The following COL25A1 variants were observed in gnomAD, a reference collection of about 807,000 sequenced individuals.
COL25A1 encodes the protein collagen type XXV alpha 1 chain.
COL25A1 carries 103 observed loss-of-function variants against 128.4 expected under a neutral mutation model. The observed-to-expected ratio is 0.80, with a 90% CI of 0.68 to 0.94. The LOEUF is 0.94. Ranked by LOEUF, COL25A1 falls within the 40% of genes least tolerant of loss-of-function variation. COL25A1 has a pLI of 0.00. For synonymous variants in COL25A1, 279 were observed against 277.2 expected (o/e 1.01, Z -0.06); for missense variants, 745 against 840.0 (o/e 0.89, Z 1.40).
intron 3 of COL25A1, among the ~76,000 whole-genome samples, chr4:109,280,706 G>A (rs1045840106): frequency 7.3e-5 from 11 of 151,404 alleles, no homozygotes; most frequent in African/African-American, 2.2e-4. Context: ...AGGCTGGAGC[G>A]CAATGGCAAG....
intron 3 of COL25A1, among the ~76,000 whole-genome samples, chr4:109,173,718 G>A (rs75858413): frequency 0.023 from 3,556 of 152,064 alleles, 121 homozygotes; most frequent in African/African-American, 0.073. Context: ...TTTAAAATAA[G>A]TCATTCATAA....
chr4:109,048,094 G>C, intron 5 of COL25A1, 74 bp downstream of exon 5: 1 of 1,437,522 alleles, frequency 7.0e-7, no homozygotes, highest in Non-Finnish European at 9.8e-7. Flanking sequence ...ACTATATTTT[G>C]GTGTTTTAAC....
At chr4:109,153,023 T>C (rs1436472581) in intron 3 of COL25A1, among the ~76,000 whole-genome samples, 1 of 152,110 alleles carries the variant, frequency 6.6e-6, no homozygotes, top group East Asian at 1.9e-4. Flanking sequence ...TAAAGAGATA[T>C]ATGTTATATA....
At chr4:109,255,266 C>A (rs1003633499) in intron 3 of COL25A1, among the ~76,000 whole-genome samples, 3 of 152,162 alleles carry the variant, frequency 2.0e-5, no homozygotes, top group South Asian at 2.1e-4. Flanking sequence ...TTAAACTAAT[C>A]TATTTCAAGG....
chr4:109,213,706 T>C (rs1777768366), intron 3 of COL25A1, among the ~76,000 whole-genome samples: 1 of 152,174 alleles, frequency 6.6e-6, no homozygotes, highest in Non-Finnish European at 1.5e-5. Context: ...TGCAGGTTTG[T>C]AAACAAATTA....
chr4:109,072,854 G>A (rs1441030385), intron 3 of COL25A1, among the ~76,000 whole-genome samples: 1 of 152,102 alleles, frequency 6.6e-6, no homozygotes, highest in Non-Finnish European at 1.5e-5. Context: ...TAACTCTACA[G>A]GGGGCCCACA....
chr4:108,993,792 A>G (rs12642875), intron 6 of COL25A1, among the ~76,000 whole-genome samples: 119,548 of 150,384 alleles, frequency 0.79, 48,704 homozygotes, highest in East Asian at 1. Context: ...CCCGGGAGGC[A>G]GAGGTTGCAG....
At chr4:109,064,020 T>C (rs866565884) in intron 3 of COL25A1, among the ~76,000 whole-genome samples, 1 of 152,172 alleles carries the variant, frequency 6.6e-6, no homozygotes, top group African/African-American at 2.4e-5. Flanking sequence ...AAAGTAATAC[T>C]TGACAAACAG....
At chr4:108,852,103 C>T (rs1256169197) in intron 26 of COL25A1, 133 bp downstream of exon 26, 13 of 631,416 alleles carry the variant, frequency 2.1e-5, no homozygotes, top group East Asian at 3.2e-5. Context: ...TTCTTTTCTT[C>T]GCTCTCTAAA....
intron 3 of COL25A1, among the ~76,000 whole-genome samples, chr4:109,297,163 T>A (rs1725056469): frequency 6.6e-6 from 1 of 152,148 alleles, no homozygotes; most frequent in South Asian, 2.1e-4. Flanking sequence ...AAATATTTTT[T>A]AAAATAGAGC....
chr4:108,825,184 C>G lies in COL25A1; in HGVS notation c.1791+12G>C, dbSNP rs1281909936. On this transcript the variant is annotated intron_variant, in intron 34 of 37. Transcript: ENST00000399132. The stretch of plus-strand genomic sequence containing the variant: ...TTATAATAGGATGATGTTTATTGTA[C>G]TTATTACTTACATCAAGACCAGGCT... 7 of 1,599,818 alleles carry G rather than the reference C, an allele frequency of 4.4e-6. No homozygotes were observed. Among genetic ancestry groups the G allele is most frequent in the Non-Finnish European group, 6.0e-6 (7 of 1,167,482 alleles).
At chr4:109,194,737 T>C (rs973571206) in intron 3 of COL25A1, among the ~76,000 whole-genome samples, 2 of 152,152 alleles carry the variant, frequency 1.3e-5, no homozygotes, top group Non-Finnish European at 2.9e-5. Context: ...GCCCCCGTTC[T>C]TCACCACTAC....
intron 3 of COL25A1, among the ~76,000 whole-genome samples, chr4:109,070,066 C>G (rs575126120): frequency 1.3e-5 from 2 of 150,176 alleles, no homozygotes; most frequent in African/African-American, 2.4e-5. Flanking sequence ...ACCAGCCTGG[C>G]CAACAAGGTG....
chr4:109,199,620 T>C (rs538067738), intron 3 of COL25A1, among the ~76,000 whole-genome samples: 7 of 152,316 alleles, frequency 4.6e-5, no homozygotes, highest in African/African-American at 1.7e-4. Flanking sequence ...ATGAATATAG[T>C]AATCCAAATA....
intron 3 of COL25A1, among the ~76,000 whole-genome samples, chr4:109,109,495 A>G (rs1258517075): frequency 6.6e-6 from 1 of 152,176 alleles, no homozygotes; most frequent in Non-Finnish European, 1.5e-5. Flanking sequence ...AGCCTCCTAA[A>G]GTGCTGGGAT....
chr4:108,841,730 G>A lies in COL25A1; in HGVS notation c.1630-9C>T, dbSNP rs373354476. On this transcript the variant is annotated splice_polypyrimidine_tract_variant and intron_variant, in intron 30 of 37. Coordinates refer to ENST00000399132, the MANE Select transcript of COL25A1 (RefSeq NM_198721.4). ...GGAAGTCCATGAGGTCCCTGAAAATGGAAAACAGAGCTTTTAATTAAGAAT... is the reference window on the plus strand; with the variant it reads ...GGAAGTCCATGAGGTCCCTGAAAATAGAAAACAGAGCTTTTAATTAAGAAT... The A allele has an allele frequency of 3.6e-5, 58 of 1,606,034 alleles. 1 individual carries two copies. Among genetic ancestry groups the A allele is most frequent in the South Asian group, 3.2e-4 (29 of 90,836 alleles).
chr4:109,064,349 T>C (rs971909154), intron 3 of COL25A1, among the ~76,000 whole-genome samples: 1 of 152,234 alleles, frequency 6.6e-6, no homozygotes, highest in African/African-American at 2.4e-5. Context: ...ACATTTGTTC[T>C]TGTATTTGGG....
At chr4:108,960,127 A>G (rs1383283897) in intron 8 of COL25A1, among the ~76,000 whole-genome samples, 1 of 152,100 alleles carries the variant, frequency 6.6e-6, no homozygotes, top group Admixed American at 6.6e-5. Context: ...GTCAACATAG[A>G]AATAATGTGT....
intron 3 of COL25A1, among the ~76,000 whole-genome samples, chr4:109,204,160 A>G (rs1776797466): frequency 6.6e-6 from 1 of 152,120 alleles, no homozygotes; most frequent in South Asian, 2.1e-4. Flanking sequence ...GGGTGGAGGG[A>G]AGGTGTGGTA....
Sources: allele counts gnomAD v4.1 joint callset (sites outside exome capture counted in the v4.1 genomes callset), GRCh38; gene constraint gnomAD v4.1.1; transcripts MANE v1.5; gene names NCBI Gene and HGNC (gene_info 2026-07-23, HGNC 2026-07-21).